The following ATP6V0D2 variants were observed in gnomAD, a reference collection of about 807,000 sequenced individuals.
ATP6V0D2 encodes V-type proton ATPase subunit d 2.
In ATP6V0D2, 40 loss-of-function variants were observed where a neutral mutation model predicts 40.0. The ratio of observed to expected loss-of-function variants is 1.00; its 90% CI spans 0.78 to 1.30. The LOEUF is 1.30. Among genes scored for constraint, ATP6V0D2 ranks in the 50% most tolerant of loss-of-function variants. ATP6V0D2 has a pLI of 0.00. For missense variants in ATP6V0D2, 470 were observed against 423.1 expected, an observed-to-expected ratio of 1.11 and a Z score of -0.97; for synonymous variants, 179 against 156.3, an observed-to-expected ratio of 1.15 and a Z score of -1.08.
At chr8:86,129,995 A>G (rs1374640610) in intron 2 of ATP6V0D2, among the ~76,000 whole-genome samples, 2 of 147,374 alleles carry the variant, frequency 1.4e-5, no homozygotes, top group African/African-American at 5.0e-5. Flanking sequence ...AAAAAAAAAA[A>G]AAAGAAAAGA....
intron 2 of ATP6V0D2, among the ~76,000 whole-genome samples, chr8:86,117,453 A>G (rs1230644574): frequency 6.6e-6 from 1 of 152,212 alleles, no homozygotes; most frequent in Non-Finnish European, 1.5e-5. Flanking sequence ...CCATTTCTGT[A>G]AGTAAGCAAG....
In ATP6V0D2 at chr8:86,149,011, C is replaced by T. The variant is rs573756189; in HGVS notation, c.640-1101C>T. Among the ~76,000 whole-genome samples, 52 of 136,704 alleles carry T rather than the reference C, an allele frequency of 3.8e-4. No homozygotes were observed. The South Asian group carries it at 0.012, about 32-fold the overall frequency. The allele number at this position is 136,704 out of a possible 152,430, so 89.7% of individuals were successfully genotyped here. A position where few individuals can be genotyped will look rare whatever the true frequency, so the allele number is the denominator to read the frequency against. On this transcript the variant is annotated intron_variant, in intron 5 of 7. Coordinates refer to ENST00000285393, the MANE Select transcript of ATP6V0D2 (RefSeq NM_152565.1). ...GCAGTGAGTCCTGACCCCACCACTGCACTCCAGCCTGGATGACAGAGTGAG... is the reference window on the plus strand; with the variant it reads ...GCAGTGAGTCCTGACCCCACCACTGTACTCCAGCCTGGATGACAGAGTGAG...
At chr8:86,107,531 A>G (rs1818483725) in intron 1 of ATP6V0D2, among the ~76,000 whole-genome samples, 1 of 152,244 alleles carries the variant, frequency 6.6e-6, no homozygotes, top group African/African-American at 2.4e-5. Flanking sequence ...TCTATGAAAT[A>G]GGATTATTGT....
At chr8:86,129,102 C>A (rs995547092) in intron 2 of ATP6V0D2, among the ~76,000 whole-genome samples, 1 of 152,206 alleles carries the variant, frequency 6.6e-6, no homozygotes, top group Non-Finnish European at 1.5e-5. Flanking sequence ...AGGCACTCTA[C>A]GAGTGCTTTC....
Position 86,151,453 on chromosome 8 carries a change from CTT to C in ATP6V0D2, c.817-11_817-10del, listed in dbSNP as rs748594193. ...ATGAAAATGTCTTTAAAATTAATGT[CTT>C]TGTTTTTAAGGTATACAAACCTTTA... On this transcript the variant is annotated splice_polypyrimidine_tract_variant and intron_variant, in intron 6 of 7. Coordinates refer to ENST00000285393, the MANE Select transcript of ATP6V0D2 (RefSeq NM_152565.1). 11 of 1,546,818 alleles carry C rather than the reference CTT, an allele frequency of 7.1e-6. No individual in the cohort carries two copies. The Admixed American group carries it at 1.3e-4, about 18-fold the overall frequency.
At chr8:86,122,043 A>G (rs1271402847) in intron 2 of ATP6V0D2, among the ~76,000 whole-genome samples, 2 of 152,234 alleles carry the variant, frequency 1.3e-5, no homozygotes, top group Non-Finnish European at 2.9e-5. Flanking sequence ...TGTGAAACAA[A>G]GGAATGAATG....
At chr8:86,148,776 CA>C (rs1404505498) in intron 5 of ATP6V0D2, among the ~76,000 whole-genome samples, 1 of 151,906 alleles carries the variant, frequency 6.6e-6, no homozygotes, top group African/African-American at 2.4e-5. Context: ...ACTGGCTATT[CA>C]AAAATGAACA....
intron 1 of ATP6V0D2, among the ~76,000 whole-genome samples, chr8:86,106,165 C>T (rs1226480469): frequency 6.6e-6 from 1 of 151,406 alleles, no homozygotes; most frequent in Non-Finnish European, 1.5e-5. Context: ...ATTCTGTTGC[C>T]CAAGCCAGGG....
At chr8:86,147,367 AT>A (rs2129641832) in intron 5 of ATP6V0D2, among the ~76,000 whole-genome samples, 1 of 152,290 alleles carries the variant, frequency 6.6e-6, no homozygotes, top group Admixed American at 6.5e-5. Context: ...AACAAAAAAA[AT>A]AAGGTCTAGT....
At chr8:86,130,603 A>G (rs1422198460) in intron 2 of ATP6V0D2, among the ~76,000 whole-genome samples, 3 of 152,188 alleles carry the variant, frequency 2.0e-5, no homozygotes, top group Admixed American at 6.5e-5. Flanking sequence ...TAGGGCAACC[A>G]TAAGACAAAT....
rs146617264 is a variant in ATP6V0D2 at position 86,147,529 on chromosome 8, C to T, written c.640-2583C>T. Among the ~76,000 whole-genome samples, 869 of 152,210 alleles carry T rather than the reference C, an allele frequency of 5.7e-3. 4 individuals carry two copies. The highest frequency in any genetic ancestry group is 0.018 in the African/African-American group (750 of 41,524). On this transcript the variant is annotated intron_variant, in intron 5 of 7. Transcript: ENST00000285393. ...CCATTCAGTCTCCTCTAATCAAATG[C>T]GTGTCAAACTCTGCTTAGGGATGGT...
At position 86,102,469 on chromosome 8, in the gene ATP6V0D2, T is replaced by C. The variant is rs1818415466; in HGVS notation, c.130+3361T>C. Among the ~76,000 whole-genome samples, 4 of 152,350 alleles carry C rather than the reference T, an allele frequency of 2.6e-5. No individual in the cohort carries two copies. The South Asian group carries it at 8.3e-4, about 32-fold the overall frequency. ...ACTATATGTTGAAGCAGGGACTTTC[T>C]GTAAAAGAAAAACTAACTTGGCCAA... is the stretch of plus-strand genomic sequence containing the variant. On this transcript the variant is annotated intron_variant, in intron 1 of 7. Coordinates refer to ENST00000285393, the MANE Select transcript of ATP6V0D2 (RefSeq NM_152565.1).
chr8:86,133,523 A>G (rs1419077433), intron 2 of ATP6V0D2, among the ~76,000 whole-genome samples: 1 of 151,674 alleles, frequency 6.6e-6, no homozygotes. Context: ...AGGTTTCACC[A>G]TATTGGCCAA....
chr8:86,139,541 C>T lies in ATP6V0D2; in HGVS notation c.387C>T (p.Cys129=), dbSNP rs1004680722. 6 of 1,613,632 alleles carry T rather than the reference C, an allele frequency of 3.7e-6. No homozygotes were observed. In the African/African-American group the frequency reaches 6.7e-5, roughly 18 times the overall value. The part of the protein sequence containing the change: ...KKSVKEILGK[C]HPLGRFTEME... The stretch of plus-strand genomic sequence containing the variant: ...CTGTGAAAGAAATTCTGGGGAAGTG[C>T]CACCCCTTGGGCCGTTTCACAGAAA... The change falls in exon 3 of 8, where the codon TGC becomes TGT. Residue 129 remains cysteine (C), a synonymous_variant. Transcript: ENST00000285393.
intron 2 of ATP6V0D2, among the ~76,000 whole-genome samples, chr8:86,115,377 T>C: frequency 7.1e-6 from 1 of 139,988 alleles, no homozygotes; most frequent in African/African-American, 2.7e-5. Context: ...TTTTTTTTTT[T>C]TTTTTTTTTG....
intron 2 of ATP6V0D2, among the ~76,000 whole-genome samples, chr8:86,115,347 C>T (rs963686653): frequency 7.0e-6 from 1 of 143,122 alleles, no homozygotes; most frequent in Admixed American, 7.2e-5. Context: ...CTTTGTCCTT[C>T]CGTATCATCC....
At chr8:86,135,372 C>G (rs1221844888) in intron 2 of ATP6V0D2, among the ~76,000 whole-genome samples, 1 of 152,162 alleles carries the variant, frequency 6.6e-6, no homozygotes, top group Non-Finnish European at 1.5e-5. Context: ...AAGAATAGCT[C>G]TAAGATCAAA....
chr8:86,101,576 C>T (rs1343081893), intron 1 of ATP6V0D2, among the ~76,000 whole-genome samples: 1 of 151,096 alleles, frequency 6.6e-6, no homozygotes, highest in Non-Finnish European at 1.5e-5. Context: ...AAAGACTTGT[C>T]GAGGGAAGGG....
At chr8:86,138,876 G>C (rs200556860) in intron 2 of ATP6V0D2, among the ~76,000 whole-genome samples, 1 of 152,154 alleles carries the variant, frequency 6.6e-6, no homozygotes, top group Non-Finnish European at 1.5e-5. Flanking sequence ...GGCTTCTTCC[G>C]CATATTCCCA....
Sources: allele counts gnomAD v4.1 joint callset (sites outside exome capture counted in the v4.1 genomes callset), GRCh38; gene constraint gnomAD v4.1.1; transcripts MANE v1.5; gene names NCBI Gene and HGNC (gene_info 2026-07-23, HGNC 2026-07-21).